EYA4: variants seen among roughly 807,000 people sequenced by gnomAD.
EYA4 encodes the protein protein phosphatase EYA4.
A neutral mutation model predicts 87.9 loss-of-function variants in EYA4; 31 were observed. The observed-to-expected ratio is 0.35, with a 90% CI of 0.27 to 0.48. EYA4 has a LOEUF of 0.48. Among genes scored for constraint, EYA4 ranks in the 20% least tolerant of loss-of-function variants. The pLI is 0.99. For synonymous variants in EYA4, 263 were observed against 270.6 expected (o/e 0.97, Z 0.28); for missense variants, 678 against 761.4 (o/e 0.89, Z 1.29).
At chr6:133,342,433 G>T (rs1476068070) in intron 2 of EYA4, among the ~76,000 whole-genome samples, 3 of 148,590 alleles carry the variant, frequency 2.0e-5, no homozygotes, top group Non-Finnish European at 3.0e-5. Flanking sequence ...TCCAAGGGAA[G>T]GAAGCACAGA....
intron 3 of EYA4, among the ~76,000 whole-genome samples, chr6:133,403,195 A>G (rs939041686): frequency 1.3e-5 from 2 of 152,210 alleles, no homozygotes; most frequent in African/African-American, 4.8e-5. Flanking sequence ...TGATTACACT[A>G]AATTAGAATT....
chr6:133,508,501 TAAAAAGA>T (rs1798848454), intron 14 of EYA4, among the ~76,000 whole-genome samples: 1 of 152,124 alleles, frequency 6.6e-6, no homozygotes, highest in African/African-American at 2.4e-5. Context: ...TTCAAAGGTA[TAAAAAGA>T]AAAAAGAAAT....
chr6:133,294,098 T>A (rs1322740344), intron 2 of EYA4, among the ~76,000 whole-genome samples: 1 of 135,076 alleles, frequency 7.4e-6, no homozygotes, highest in African/African-American at 2.8e-5. Context: ...ACTGTAGATA[T>A]ATATTTTAAA....
intron 2 of EYA4, among the ~76,000 whole-genome samples, chr6:133,365,316 G>C (rs879248564): frequency 6.6e-6 from 1 of 152,092 alleles, no homozygotes; most frequent in South Asian, 2.1e-4. Flanking sequence ...CATAATTCTT[G>C]ACATCTACTT....
chr6:133,431,998 G>A (rs1410561182), intron 3 of EYA4, among the ~76,000 whole-genome samples: 6 of 149,622 alleles, frequency 4.0e-5, no homozygotes, highest in Non-Finnish European at 1.5e-5. Flanking sequence ...AGACCATGGT[G>A]CATTATTCCA....
At chr6:133,332,875 T>C (rs972792775) in intron 2 of EYA4, among the ~76,000 whole-genome samples, 79 of 152,104 alleles carry the variant, frequency 5.2e-4, no homozygotes, top group African/African-American at 1.6e-3. Context: ...GGCTTTCTTA[T>C]TTGCAGTTGT....
chr6:133,449,664 A>G (rs1793222547), intron 5 of EYA4, among the ~76,000 whole-genome samples: 1 of 152,174 alleles, frequency 6.6e-6, no homozygotes, highest in African/African-American at 2.4e-5. Flanking sequence ...CTGAGCTTCA[A>G]TTCCTTTCTA....
At chr6:133,320,711 A>G (rs947078908) in intron 2 of EYA4, among the ~76,000 whole-genome samples, 1 of 152,074 alleles carries the variant, frequency 6.6e-6, no homozygotes, top group Admixed American at 6.6e-5. Flanking sequence ...TCCCATGTCT[A>G]TTAATTTCAT....
intron 9 of EYA4, 113 bp downstream of exon 9, chr6:133,462,877 C>T: frequency 1.0e-6 from 1 of 957,350 alleles, no homozygotes; most frequent in Non-Finnish European, 1.7e-6. Context: ...TTTATCACAG[C>T]TCACACAATT....
At chr6:133,425,742 G>A (rs539389948) in intron 3 of EYA4, among the ~76,000 whole-genome samples, 5 of 150,428 alleles carry the variant, frequency 3.3e-5, no homozygotes, top group Non-Finnish European at 7.4e-5. Flanking sequence ...CATCTATCTT[G>A]CCTCCTTGAC....
At chr6:133,512,807 T>C (rs773278167) in intron 15 of EYA4, 28 bp downstream of exon 15, 30 of 1,611,660 alleles carry the variant, frequency 1.9e-5, no homozygotes, top group Non-Finnish European at 2.5e-5. Flanking sequence ...GTATGCTGTT[T>C]CCTACAGAAA....
chr6:133,327,505 G>A (rs1781593670), intron 2 of EYA4, among the ~76,000 whole-genome samples: 1 of 152,114 alleles, frequency 6.6e-6, no homozygotes, highest in Non-Finnish European at 1.5e-5. Context: ...CCATATAAAA[G>A]GACCAGTAGG....
chr6:133,513,115 T>C (rs1799300767), intron 16 of EYA4, 77 bp downstream of exon 16: 1 of 1,394,202 alleles, frequency 7.2e-7, no homozygotes, highest in African/African-American at 1.4e-5. Context: ...ATGTTAAAGA[T>C]GATTCTGCTG....
At chr6:133,427,354 A>T (rs73561754) in intron 3 of EYA4, among the ~76,000 whole-genome samples, 10,432 of 152,264 alleles carry the variant, frequency 0.069, 1,044 homozygotes, top group African/African-American at 0.22. Flanking sequence ...CAATCATGTT[A>T]TCTGGAATTT....
intron 19 of EYA4, 71 bp from the exon 20 acceptor site, chr6:133,528,654 G>T: frequency 9.2e-7 from 1 of 1,087,368 alleles, no homozygotes; most frequent in Non-Finnish European, 1.4e-6. Context: ...TTGAGACAAT[G>T]GTTGTGATCT....
chr6:133,523,091 A>T lies in EYA4; in HGVS notation c.1652A>T (p.Gln551Leu), dbSNP rs1800327720. 1 of 1,612,396 alleles carries T rather than the reference A, an allele frequency of 6.2e-7. No individual in the cohort carries two copies. Among genetic ancestry groups the T allele is most frequent in the Non-Finnish European group, 8.5e-7 (1 of 1,178,782 alleles). The change falls in exon 18 of 20, where the codon CAA becomes CTA. Residue 551 changes from glutamine to leucine, a missense_variant. Gln to Leu is a moderately radical substitution (Grantham distance 113). Transcript: ENST00000355286. ...ATAAATGTCTTGGTAACGACAACTC[A>T]ACTGATCCCAGCACTTGCGAAGGTT... is the stretch of plus-strand genomic sequence containing the variant. ...NCINVLVTTT[Q>L]LIPALAKVLL...
chr6:133,342,784 T>C (rs944443645), intron 2 of EYA4, among the ~76,000 whole-genome samples: 4 of 151,536 alleles, frequency 2.6e-5, no homozygotes, highest in African/African-American at 9.7e-5. Flanking sequence ...ACAACTAGGA[T>C]TGATAGAAAT....
intron 13 of EYA4, among the ~76,000 whole-genome samples, chr6:133,504,464 G>A (rs1020266855): frequency 4.6e-5 from 7 of 152,150 alleles, no homozygotes; most frequent in Non-Finnish European, 1.0e-4. Context: ...ATGAGAAGAT[G>A]CAAACAATTA....
At chr6:133,248,499 A>C (rs117683183) in intron 1 of EYA4, 1 of 152,202 alleles carries the variant, frequency 6.6e-6, no homozygotes, top group Non-Finnish European at 1.5e-5. Context: ...GGAGTGATCT[A>C]TTCATTACAT....
Sources: allele counts gnomAD v4.1 joint callset (sites outside exome capture counted in the v4.1 genomes callset), GRCh38; gene constraint gnomAD v4.1.1; transcripts MANE v1.5; gene names NCBI Gene and HGNC (gene_info 2026-07-23, HGNC 2026-07-21).